Variants in ZFAND3 observed in about 807,000 individuals in gnomAD.
ZFAND3 encodes AN1-type zinc finger protein 3.
In ZFAND3, 10 loss-of-function variants were observed where a neutral mutation model predicts 29.6. That is an observed-to-expected ratio of 0.34 (90% CI 0.21 to 0.57). The LOEUF (loss-of-function observed/expected upper bound fraction) is 0.57, where lower values mean the gene tolerates loss of function less well. Ranked by LOEUF, ZFAND3 falls within the 20% of genes least tolerant of loss-of-function variation. ZFAND3 has a pLI of 0.86. For synonymous variants in ZFAND3, 128 were observed against 112.6 expected (o/e 1.14, Z -0.87); for missense variants, 230 against 304.5 (o/e 0.76, Z 1.82).
At chr6:37,918,952 T>C (rs1251628806) in intron 1 of ZFAND3, among the ~76,000 whole-genome samples, 2 of 30,874 alleles carry the variant, frequency 6.5e-5, no homozygotes, top group South Asian at 1.4e-3. Flanking sequence ...GAAAAATGCC[T>C]TTTTTTTTTT....
intron 4 of ZFAND3, among the ~76,000 whole-genome samples, chr6:38,103,849 T>C (rs1581920625): frequency 6.6e-6 from 1 of 152,304 alleles, no homozygotes; most frequent in Non-Finnish European, 1.5e-5. Context: ...ACTACCTTAT[T>C]CGGTACTCCA....
At chr6:38,047,508 A>G (rs1345854488) in intron 2 of ZFAND3, among the ~76,000 whole-genome samples, 5 of 152,108 alleles carry the variant, frequency 3.3e-5, no homozygotes, top group Admixed American at 6.6e-5. Context: ...ATTACATGCA[A>G]AAGTTTTCTG....
At chr6:37,837,718 C>T (rs1157110123) in intron 1 of ZFAND3, among the ~76,000 whole-genome samples, 1 of 152,098 alleles carries the variant, frequency 6.6e-6, no homozygotes, top group Non-Finnish European at 1.5e-5. Context: ...TGTTGTCAGG[C>T]TGGTCTCGAA....
At chr6:38,107,853 A>C (rs1207651746) in intron 4 of ZFAND3, among the ~76,000 whole-genome samples, 1 of 151,906 alleles carries the variant, frequency 6.6e-6, no homozygotes, top group East Asian at 1.9e-4. Context: ...GATACCATTG[A>C]TTGCTTGATT....
chr6:37,994,346 G>T (rs1316821675), intron 2 of ZFAND3, among the ~76,000 whole-genome samples: 2 of 152,044 alleles, frequency 1.3e-5, no homozygotes, highest in African/African-American at 4.8e-5. Flanking sequence ...ATCAGGTTAG[G>T]CAGACCACCT....
intron 3 of ZFAND3, among the ~76,000 whole-genome samples, chr6:38,081,685 AG>A (rs781473817): frequency 7.2e-5 from 11 of 151,980 alleles, no homozygotes; most frequent in Non-Finnish European, 1.3e-4. Context: ...AATGTGTTGA[AG>A]GTCTTGATTT....
intron 1 of ZFAND3, among the ~76,000 whole-genome samples, chr6:37,844,112 A>T (rs1410422074): frequency 2.0e-5 from 3 of 151,498 alleles, no homozygotes; most frequent in African/African-American, 7.3e-5. Context: ...TTTTGTGAAG[A>T]CAGGGTTTTG....
Position 38,059,227 on chromosome 6 carries a change from G to A in ZFAND3, c.113-2366G>A, listed in dbSNP as rs559539652. On this transcript the variant is annotated intron_variant, in intron 2 of 5. Coordinates refer to ENST00000287218, the MANE Select transcript of ZFAND3 (RefSeq NM_021943.3). Reference sequence around the variant, plus strand: ...GGCCTCAAAGAGATAATCACTGTCCGAAATCTGGTATATTATTTCCTTGAA... The same window carrying A: ...GGCCTCAAAGAGATAATCACTGTCCAAAATCTGGTATATTATTTCCTTGAA... Among the ~76,000 whole-genome samples the A allele has an allele frequency of 2.6e-5, 4 of 152,158 alleles. No homozygotes were observed. In the East Asian group the frequency reaches 5.8e-4, roughly 22 times the overall value.
At chr6:37,907,049 A>G (rs1250079679) in intron 1 of ZFAND3, among the ~76,000 whole-genome samples, 1 of 127,672 alleles carries the variant, frequency 7.8e-6, no homozygotes, top group East Asian at 1.9e-4. Context: ...CTTCCTTTTA[A>G]TGTATTTTTT....
At chr6:37,861,227 T>C (rs1418263679) in intron 1 of ZFAND3, among the ~76,000 whole-genome samples, 1 of 152,122 alleles carries the variant, frequency 6.6e-6, no homozygotes, top group African/African-American at 2.4e-5. Context: ...ACTGCACTCC[T>C]GCCTGGGCGA....
At chr6:37,860,580 C>A (rs1217598631) in intron 1 of ZFAND3, among the ~76,000 whole-genome samples, 2 of 147,484 alleles carry the variant, frequency 1.4e-5, no homozygotes, top group African/African-American at 5.0e-5. Flanking sequence ...TGCATTATGT[C>A]TTTCCTCATT....
At chr6:37,894,570 C>A (rs1370683436) in intron 1 of ZFAND3, among the ~76,000 whole-genome samples, 1 of 151,994 alleles carries the variant, frequency 6.6e-6, no homozygotes, top group Non-Finnish European at 1.5e-5. Flanking sequence ...CAGAATCTCT[C>A]TATGTTGTCC....
chr6:37,896,073 C>T (rs1427193208), intron 1 of ZFAND3, among the ~76,000 whole-genome samples: 1 of 152,182 alleles, frequency 6.6e-6, no homozygotes, highest in Non-Finnish European at 1.5e-5. Flanking sequence ...CAGATGTCAT[C>T]ATAATGGTTA....
intron 5 of ZFAND3, among the ~76,000 whole-genome samples, chr6:38,129,279 G>T (rs1373843040): frequency 6.6e-6 from 1 of 152,148 alleles, no homozygotes; most frequent in Non-Finnish European, 1.5e-5. Flanking sequence ...TGGGTTGTCT[G>T]TTTACTATGG....
chr6:38,038,632 CTTTAT>C (rs1201128015), intron 2 of ZFAND3, among the ~76,000 whole-genome samples: 1 of 151,942 alleles, frequency 6.6e-6, no homozygotes, highest in African/African-American at 2.4e-5. Context: ...CGCTTTGGTG[CTTTAT>C]TTTATTTTTT....
At chr6:37,952,270 A>G (rs962695871) in intron 2 of ZFAND3, among the ~76,000 whole-genome samples, 6 of 152,076 alleles carry the variant, frequency 3.9e-5, no homozygotes, top group African/African-American at 1.4e-4. Flanking sequence ...TAGTTTCAGT[A>G]TGATTGGTAC....
intron 2 of ZFAND3, among the ~76,000 whole-genome samples, chr6:37,998,384 A>G (rs1395726838): frequency 6.6e-6 from 1 of 152,210 alleles, no homozygotes; most frequent in Non-Finnish European, 1.5e-5. Flanking sequence ...TGGCTACGTG[A>G]CAGTTGTCAA....
intron 3 of ZFAND3, among the ~76,000 whole-genome samples, chr6:38,062,924 C>G (rs968164116): frequency 1.4e-4 from 19 of 133,146 alleles, no homozygotes; most frequent in African/African-American, 5.3e-4. Context: ...TTGTCTCTAC[C>G]AAAAAAAAAA....
chr6:38,056,218 A>G (rs999197165), intron 2 of ZFAND3, among the ~76,000 whole-genome samples: 2 of 152,226 alleles, frequency 1.3e-5, no homozygotes, highest in African/African-American at 2.4e-5. Context: ...TCATGTATCT[A>G]TAAATGAATG....
Sources: allele counts gnomAD v4.1 joint callset (sites outside exome capture counted in the v4.1 genomes callset), GRCh38; gene constraint gnomAD v4.1.1; transcripts MANE v1.5; gene names NCBI Gene and HGNC (gene_info 2026-07-23, HGNC 2026-07-21).